The following SDK1 variants were observed in gnomAD, a reference collection of about 807,000 sequenced individuals.
SDK1 encodes the protein protein sidekick-1.
SDK1 carries 157 observed loss-of-function variants against 245.5 expected under a neutral mutation model. That is an observed-to-expected ratio of 0.64 (90% CI 0.56 to 0.73). The LOEUF is 0.73. Among genes scored for constraint, SDK1 ranks in the 30% least tolerant of loss-of-function variants. The pLI, the probability that SDK1 is intolerant of heterozygous loss-of-function variation, is 0.00. For missense variants in SDK1, 3,583 were observed against 3,002.3 expected (o/e 1.19, Z -4.52); for synonymous variants, 1,647 against 1,278.5 (o/e 1.29, Z -6.15).
At chr7:3,670,821 G>C (rs538460485) in intron 4 of SDK1, among the ~76,000 whole-genome samples, 2 of 152,218 alleles carry the variant, frequency 1.3e-5, no homozygotes, top group South Asian at 4.1e-4. Flanking sequence ...AACATTTACT[G>C]TTTTTAGGTA....
At chr7:3,492,064 G>A (rs1294044187) in intron 1 of SDK1, among the ~76,000 whole-genome samples, 1 of 152,042 alleles carries the variant, frequency 6.6e-6, no homozygotes, top group Non-Finnish European at 1.5e-5. Context: ...TGTTAATTTC[G>A]TTTTCAAAGC....
At chr7:3,335,571 G>C (rs957716832) in intron 1 of SDK1, among the ~76,000 whole-genome samples, 3 of 152,060 alleles carry the variant, frequency 2.0e-5, no homozygotes, top group Admixed American at 6.5e-5. Context: ...TTATTCTACA[G>C]GTCTTGTCTT....
intron 1 of SDK1, among the ~76,000 whole-genome samples, chr7:3,596,994 AGC>A (rs1781088504): frequency 6.6e-6 from 1 of 152,140 alleles, no homozygotes; most frequent in Non-Finnish European, 1.5e-5. Flanking sequence ...TTACAGGCTG[AGC>A]GAGGTGACTC....
chr7:3,509,894 C>A (rs1456010276), intron 1 of SDK1, among the ~76,000 whole-genome samples: 2 of 152,168 alleles, frequency 1.3e-5, no homozygotes. Flanking sequence ...GTTAGAATCA[C>A]CTAGTGGGCT....
chr7:3,773,395 G>T (rs1780457973), intron 4 of SDK1, among the ~76,000 whole-genome samples: 1 of 150,596 alleles, frequency 6.6e-6, no homozygotes, highest in South Asian at 2.1e-4. Context: ...TTTCTTTTTT[G>T]GTTTTCTGTC....
At chr7:4,012,968 T>C (rs1418103005) in intron 16 of SDK1, among the ~76,000 whole-genome samples, 2 of 152,236 alleles carry the variant, frequency 1.3e-5, no homozygotes, top group Non-Finnish European at 2.9e-5. Context: ...ATTAATTTCA[T>C]GTAATTATTA....
intron 1 of SDK1, among the ~76,000 whole-genome samples, chr7:3,538,492 A>G (rs1778960061): frequency 6.6e-6 from 1 of 152,086 alleles, no homozygotes; most frequent in Admixed American, 6.5e-5. Flanking sequence ...AATCAATGTC[A>G]TTTCGACTCC....
At chr7:3,659,717 T>C (rs938380618) in intron 4 of SDK1, among the ~76,000 whole-genome samples, 2 of 152,058 alleles carry the variant, frequency 1.3e-5, no homozygotes, top group African/African-American at 2.4e-5. Flanking sequence ...TTGTGAAGAA[T>C]AGAGAGTAAG....
At chr7:3,329,322 G>T (rs1398947075) in intron 1 of SDK1, among the ~76,000 whole-genome samples, 3 of 152,084 alleles carry the variant, frequency 2.0e-5, no homozygotes, top group African/African-American at 7.2e-5. Flanking sequence ...CTCCTTGGGA[G>T]GAAACAAGCT....
At position 3,476,657 on chromosome 7, in the gene SDK1, TTA is replaced by T. The variant is rs551545527; in HGVS notation, c.299-142418_299-142417del. On this transcript the variant is annotated intron_variant, in intron 1 of 44. Transcript: ENST00000404826. ...TTTTATATGTTGAAATTTAGTATTT[TTA>T]TATAGTTAATTTTGTCAGTCACTTT... is the stretch of plus-strand genomic sequence containing the variant. Among the ~76,000 whole-genome samples the T allele has an allele frequency of 1.4e-4, 21 of 152,342 alleles. No homozygotes were observed. The South Asian group carries it at 3.9e-3, about 29-fold the overall frequency.
intron 19 of SDK1, among the ~76,000 whole-genome samples, chr7:4,053,681 G>A (rs1029275577): frequency 1.3e-5 from 2 of 151,968 alleles, no homozygotes; most frequent in African/African-American, 2.4e-5. Context: ...GAACAATCTC[G>A]CCATTGACTC....
chr7:3,638,572 G>T (rs1442746007), intron 2 of SDK1, among the ~76,000 whole-genome samples: 3 of 145,486 alleles, frequency 2.1e-5, no homozygotes, highest in African/African-American at 7.7e-5. Flanking sequence ...CTCATAGGTG[G>T]GAATTGAACA....
At chr7:3,351,442 A>G (rs928587757) in intron 1 of SDK1, among the ~76,000 whole-genome samples, 2 of 152,194 alleles carry the variant, frequency 1.3e-5, no homozygotes, top group Admixed American at 1.3e-4. Flanking sequence ...CATGATAGCT[A>G]TAAATTCAAG....
At chr7:3,691,812 A>G (rs1384056652) in intron 4 of SDK1, among the ~76,000 whole-genome samples, 1 of 152,158 alleles carries the variant, frequency 6.6e-6, no homozygotes, top group Non-Finnish European at 1.5e-5. Flanking sequence ...TGGCTTATCT[A>G]CTTACTCATT....
intron 19 of SDK1, among the ~76,000 whole-genome samples, chr7:4,059,852 A>G (rs1422198601): frequency 1.3e-5 from 2 of 152,102 alleles, no homozygotes; most frequent in African/African-American, 4.8e-5. Context: ...TGGGTCAAGG[A>G]AGAAATTAAG....
At chr7:3,548,298 T>G (rs1779294459) in intron 1 of SDK1, among the ~76,000 whole-genome samples, 1 of 152,210 alleles carries the variant, frequency 6.6e-6, no homozygotes. Context: ...TAGGAACCCT[T>G]CCCACACTGT....
intron 33 of SDK1, among the ~76,000 whole-genome samples, 178 bp downstream of exon 33, chr7:4,174,535 G>A (rs1240591811): frequency 6.6e-6 from 1 of 152,228 alleles, no homozygotes; most frequent in Non-Finnish European, 1.5e-5. Flanking sequence ...GGGTGCAGGT[G>A]TGCGGCAGGT....
intron 1 of SDK1, among the ~76,000 whole-genome samples, chr7:3,322,462 A>G (rs1198884266): frequency 6.6e-6 from 1 of 152,074 alleles, no homozygotes; most frequent in Non-Finnish European, 1.5e-5. Flanking sequence ...GTGTTTGAAC[A>G]CCTGTTTTCT....
At chr7:3,527,339 A>G (rs917765183) in intron 1 of SDK1, among the ~76,000 whole-genome samples, 1 of 152,196 alleles carries the variant, frequency 6.6e-6, no homozygotes, top group Non-Finnish European at 1.5e-5. Context: ...TACTGTGAAG[A>G]ACACGAAGCG....
Sources: allele counts gnomAD v4.1 joint callset (sites outside exome capture counted in the v4.1 genomes callset), GRCh38; gene constraint gnomAD v4.1.1; transcripts MANE v1.5; gene names NCBI Gene and HGNC (gene_info 2026-07-23, HGNC 2026-07-21).